Variants in RERE observed in about 807,000 individuals in gnomAD.
The protein encoded by RERE is arginine-glutamic acid dipeptide repeats protein.
RERE carries 40 observed loss-of-function variants against 146.1 expected under a neutral mutation model. That is an observed-to-expected ratio of 0.27 (90% CI 0.21 to 0.36). The LOEUF (loss-of-function observed/expected upper bound fraction) is 0.36, where lower values mean the gene tolerates loss of function less well. Among genes scored for constraint, RERE ranks in the 10% least tolerant of loss-of-function variants. The probability of loss-of-function intolerance (pLI) is 1.00; values close to 1 mark genes in which losing one functional copy is unlikely to be tolerated. For synonymous variants in RERE, 1,003 were observed against 866.0 expected (o/e 1.16, Z -2.78); for missense variants, 1,933 against 2,138.7 (o/e 0.90, Z 1.90).
intron 12 of RERE, among the ~76,000 whole-genome samples, chr1:8,387,325 C>T (rs186855649): frequency 3.4e-4 from 52 of 152,224 alleles, no homozygotes; most frequent in Non-Finnish European, 5.6e-4. Flanking sequence ...ACCAAACCCA[C>T]GGACTAAGAA....
At chr1:8,667,564 C>T (rs930135707) in intron 1 of RERE, among the ~76,000 whole-genome samples, 12 of 152,264 alleles carry the variant, frequency 7.9e-5, no homozygotes, top group African/African-American at 2.9e-4. Context: ...GTAATTCCAG[C>T]TACTTGGGAG....
intron 4 of RERE, among the ~76,000 whole-genome samples, chr1:8,607,354 C>T (rs1242847195): frequency 1.4e-5 from 2 of 146,320 alleles, no homozygotes; most frequent in African/African-American, 2.6e-5. Flanking sequence ...AGGGAGATAC[C>T]CTGTCTCCAA....
chr1:8,794,058 A>G (rs1156229612), intron 1 of RERE, among the ~76,000 whole-genome samples: 3 of 150,736 alleles, frequency 2.0e-5, no homozygotes, highest in African/African-American at 7.3e-5. Flanking sequence ...ACAAAGCAAG[A>G]CTGTCTCAAA....
At chr1:8,701,324 G>T (rs7551227) in intron 1 of RERE, among the ~76,000 whole-genome samples, 2 of 53,636 alleles carry the variant, frequency 3.7e-5, no homozygotes, top group Non-Finnish European at 3.5e-5. Context: ...ACACACACAC[G>T]CACACACTCC....
chr1:8,746,751 GA>G (rs1247509427), intron 1 of RERE, among the ~76,000 whole-genome samples: 2 of 150,138 alleles, frequency 1.3e-5, no homozygotes, highest in Middle Eastern at 3.2e-3. Context: ...GCAGATAAGA[GA>G]AACAGCAAGA....
At chr1:8,541,146 C>T in intron 7 of RERE, 68 bp downstream of exon 7, 4 of 809,696 alleles carry the variant, frequency 4.9e-6, no homozygotes, top group Non-Finnish European at 8.2e-6. Context: ...CACACACACA[C>T]ATACACACAC....
intron 7 of RERE, among the ~76,000 whole-genome samples, chr1:8,527,738 A>T (rs948588156): frequency 3.9e-5 from 6 of 151,960 alleles, no homozygotes; most frequent in Non-Finnish European, 8.8e-5. Context: ...CTGGCATCTC[A>T]CAGTTGGCTT....
rs1553150075 is a variant in RERE at position 8,793,174 on chromosome 1, A to AG, written c.-145+23985_-145+23986insC. ...TCCATCTCCAAAAAAAAAAAAAAAA[A>AG]AAAGAAAGAAAGAAAGAAAGAAGGC... On this transcript the variant is annotated intron_variant, in intron 1 of 22. Transcript: ENST00000400908. Among the ~76,000 whole-genome samples the AG allele has an allele frequency of 4.0e-3, 505 of 127,054 alleles. 5 individuals are homozygous for AG. Among genetic ancestry groups the AG allele is most frequent in the African/African-American group, 0.014 (476 of 34,394 alleles). 83.4% of individuals were successfully genotyped at this position (127,054 alleles called of 152,430 possible). A position where few individuals can be genotyped will look rare whatever the true frequency, so the allele number is the denominator to read the frequency against.
At chr1:8,796,941 T>C (rs566137682) in intron 1 of RERE, among the ~76,000 whole-genome samples, 1 of 152,206 alleles carries the variant, frequency 6.6e-6, no homozygotes, top group Admixed American at 6.5e-5. Context: ...AGTGAAACAA[T>C]ACAGATGAGG....
intron 1 of RERE, among the ~76,000 whole-genome samples, chr1:8,724,332 T>C (rs552808358): frequency 6.6e-6 from 1 of 152,250 alleles, no homozygotes; most frequent in South Asian, 2.1e-4. Context: ...GGAAAATTTC[T>C]CCTGTATATT....
In RERE at chr1:8,463,364, A is replaced by C. The variant is rs572510906; in HGVS notation, c.1203+2561T>G. 2.0e-5 allele frequency among the ~76,000 whole-genome samples: 3 copies of C among 152,372 alleles called. No homozygotes were observed. In the South Asian group the frequency reaches 6.2e-4, roughly 32 times the overall value. On this transcript the variant is annotated intron_variant, in intron 11 of 22. Transcript: ENST00000400908. ...ACCCCAAACGGATACGGATGTATAC[A>C]GTTAAGGATCATTATTCCATACTCA... is the stretch of plus-strand genomic sequence containing the variant.
intron 11 of RERE, among the ~76,000 whole-genome samples, chr1:8,461,319 T>C (rs984830467): frequency 6.6e-6 from 1 of 152,176 alleles, no homozygotes; most frequent in Admixed American, 6.5e-5. Flanking sequence ...GCATAATATA[T>C]GTGAAATTGA....
chr1:8,548,113 T>C (rs1037976500), intron 6 of RERE, among the ~76,000 whole-genome samples: 1 of 152,184 alleles, frequency 6.6e-6, no homozygotes, highest in African/African-American at 2.4e-5. Flanking sequence ...ATCTACAGTA[T>C]TCTACCCTTC....
At chr1:8,765,489 T>C (rs1301888679) in intron 1 of RERE, among the ~76,000 whole-genome samples, 1 of 152,194 alleles carries the variant, frequency 6.6e-6, no homozygotes, top group Non-Finnish European at 1.5e-5. Flanking sequence ...GTAAATTATA[T>C]GATATGTGAA....
chr1:8,503,923 A>G (rs928823807), intron 8 of RERE, among the ~76,000 whole-genome samples: 2 of 152,212 alleles, frequency 1.3e-5, no homozygotes, highest in African/African-American at 4.8e-5. Context: ...ATTGAAGCAA[A>G]TAAGTAATTT....
chr1:8,528,109 A>G (rs747879788), intron 7 of RERE, among the ~76,000 whole-genome samples: 3 of 152,240 alleles, frequency 2.0e-5, no homozygotes, highest in Non-Finnish European at 2.9e-5. Flanking sequence ...AGGGCACAGT[A>G]TCACTCATAT....
At chr1:8,436,136 T>C (rs539260791) in intron 11 of RERE, among the ~76,000 whole-genome samples, 281 of 152,158 alleles carry the variant, frequency 1.8e-3, no homozygotes, top group African/African-American at 6.4e-3. Flanking sequence ...CTGGTCAACA[T>C]GGTGAAACCC....
At chr1:8,434,757 G>A (rs538447699) in intron 11 of RERE, 6 of 152,342 alleles carry the variant, frequency 3.9e-5, no homozygotes, top group East Asian at 1.9e-4. Context: ...TAAACAGTCC[G>A]GCTTGCCTAA....
At chr1:8,800,310 CT>C (rs1255432607) in intron 1 of RERE, among the ~76,000 whole-genome samples, 1 of 151,316 alleles carries the variant, frequency 6.6e-6, no homozygotes, top group Non-Finnish European at 1.5e-5. Flanking sequence ...AAATTGCAGT[CT>C]TTAAAGAGTA....
Sources: allele counts gnomAD v4.1 joint callset (sites outside exome capture counted in the v4.1 genomes callset), GRCh38; gene constraint gnomAD v4.1.1; transcripts MANE v1.5; gene names NCBI Gene and HGNC (gene_info 2026-07-23, HGNC 2026-07-21).